The following CCSER1 variants were observed in gnomAD, a reference collection of about 807,000 sequenced individuals.
The protein encoded by CCSER1 is serine-rich coiled-coil domain-containing protein 1.
A neutral mutation model predicts 82.0 loss-of-function variants in CCSER1; 41 were observed. The ratio of observed to expected loss-of-function variants is 0.50; its 90% CI spans 0.39 to 0.65. The LOEUF (loss-of-function observed/expected upper bound fraction) is 0.65, where lower values mean the gene tolerates loss of function less well. Ranked by LOEUF, CCSER1 falls within the 30% of genes least tolerant of loss-of-function variation. The probability of loss-of-function intolerance (pLI) is 0.00; values close to 1 mark genes in which losing one functional copy is unlikely to be tolerated. For synonymous variants in CCSER1, 414 were observed against 383.9 expected (o/e 1.08, Z -0.92); for missense variants, 1,119 against 1,064.2 (o/e 1.05, Z -0.72).
intron 1 of CCSER1, among the ~76,000 whole-genome samples, chr4:90,263,881 C>T (rs1040741605): frequency 3.9e-5 from 6 of 152,290 alleles, no homozygotes; most frequent in African/African-American, 7.2e-5. Context: ...TTATACTCCC[C>T]TCTGGAACAT....
intron 7 of CCSER1, among the ~76,000 whole-genome samples, chr4:90,737,724 C>A (rs1745892236): frequency 6.6e-6 from 1 of 152,028 alleles, no homozygotes; most frequent in Non-Finnish European, 1.5e-5. Flanking sequence ...TCTTTAAGGC[C>A]AATAATGCTT....
intron 8 of CCSER1, among the ~76,000 whole-genome samples, chr4:90,909,179 G>T (rs1725953985): frequency 6.6e-6 from 1 of 152,134 alleles, no homozygotes; most frequent in African/African-American, 2.4e-5. Flanking sequence ...TGTCTGTGTA[G>T]CTGTGTCCAA....
chr4:90,228,312 AC>A (rs1026207297), intron 1 of CCSER1, among the ~76,000 whole-genome samples: 1 of 151,926 alleles, frequency 6.6e-6, no homozygotes, highest in Admixed American at 6.6e-5. Context: ...TGGGTCCCTG[AC>A]CCCTGACCCC....
At chr4:90,511,817 G>A (rs1482899686) in intron 5 of CCSER1, among the ~76,000 whole-genome samples, 1 of 152,108 alleles carries the variant, frequency 6.6e-6, no homozygotes, top group Non-Finnish European at 1.5e-5. Flanking sequence ...TATAAGGGGA[G>A]GTAATCTAGT....
At chr4:91,129,134 C>CT (rs1727776561) in intron 10 of CCSER1, among the ~76,000 whole-genome samples, 1 of 151,970 alleles carries the variant, frequency 6.6e-6, no homozygotes, top group African/African-American at 2.4e-5. Context: ...AGGATCAAAG[C>CT]TTTTTTCCTG....
intron 10 of CCSER1, among the ~76,000 whole-genome samples, chr4:91,306,561 C>T (rs925408453): frequency 6.6e-6 from 1 of 151,998 alleles, no homozygotes; most frequent in Non-Finnish European, 1.5e-5. Flanking sequence ...AGAAGCTCCT[C>T]ATCTTAATAC....
At chr4:90,525,865 A>G (rs112093759) in intron 5 of CCSER1, among the ~76,000 whole-genome samples, 4 of 152,146 alleles carry the variant, frequency 2.6e-5, no homozygotes, top group African/African-American at 9.6e-5. Flanking sequence ...GTCTCGAACT[A>G]CAAGGCACAA....
At chr4:90,402,942 C>T (rs1753107861) in intron 4 of CCSER1, among the ~76,000 whole-genome samples, 1 of 152,146 alleles carries the variant, frequency 6.6e-6, no homozygotes, top group Admixed American at 6.5e-5. Context: ...TCAACTGAGT[C>T]ATATAAATTG....
chr4:90,253,575 A>C (rs1222195758), intron 1 of CCSER1, among the ~76,000 whole-genome samples: 1 of 152,110 alleles, frequency 6.6e-6, no homozygotes, highest in Non-Finnish European at 1.5e-5. Context: ...GGGGTTCCTT[A>C]ATATGTGACA....
At chr4:90,390,344 T>TATC (rs1478122822) in intron 3 of CCSER1, among the ~76,000 whole-genome samples, 1 of 152,178 alleles carries the variant, frequency 6.6e-6, no homozygotes, top group Non-Finnish European at 1.5e-5. Flanking sequence ...GTTACATGGG[T>TATC]ATCATGATGC....
At chr4:90,154,385 C>G (rs2153355157) in intron 1 of CCSER1, among the ~76,000 whole-genome samples, 1 of 152,216 alleles carries the variant, frequency 6.6e-6, no homozygotes, top group Non-Finnish European at 1.5e-5. Flanking sequence ...TCCATATGAA[C>G]TTTTAAGTAG....
intron 1 of CCSER1, among the ~76,000 whole-genome samples, chr4:90,272,205 A>G (rs1231431079): frequency 6.6e-6 from 1 of 152,090 alleles, no homozygotes; most frequent in African/African-American, 2.4e-5. Context: ...AGTAGCACAA[A>G]CAGTTCTGTA....
chr4:91,276,293 C>CT (rs545936410), intron 10 of CCSER1, among the ~76,000 whole-genome samples: 5,823 of 116,238 alleles, frequency 0.05, 176 homozygotes, highest in Admixed American at 0.063. Flanking sequence ...GATGTCTTTC[C>CT]TTTTTTTTTT....
At chr4:90,544,552 C>T (rs1243658763) in intron 5 of CCSER1, among the ~76,000 whole-genome samples, 2 of 152,060 alleles carry the variant, frequency 1.3e-5, no homozygotes, top group Middle Eastern at 3.2e-3. Flanking sequence ...CTCATCAAAG[C>T]TTTGGTGTCC....
chr4:91,155,809 G>A (rs1195970036), intron 10 of CCSER1, among the ~76,000 whole-genome samples: 5 of 151,910 alleles, frequency 3.3e-5, no homozygotes, highest in East Asian at 1.9e-4. Context: ...ATGTAACATC[G>A]ATATATACAG....
chr4:90,266,224 C>G (rs936047715), intron 1 of CCSER1, among the ~76,000 whole-genome samples: 9 of 152,080 alleles, frequency 5.9e-5, no homozygotes, highest in African/African-American at 2.2e-4. Context: ...TTTTTAAATT[C>G]TAAAACCAAC....
chr4:90,481,934 T>G (rs1473163609), intron 5 of CCSER1, among the ~76,000 whole-genome samples: 1 of 152,202 alleles, frequency 6.6e-6, no homozygotes, highest in African/African-American at 2.4e-5. Flanking sequence ...TGGAATAGTT[T>G]CAGAAGGAAT....
chr4:90,783,397 A>G (rs1160989352), intron 7 of CCSER1, among the ~76,000 whole-genome samples: 3 of 152,152 alleles, frequency 2.0e-5, no homozygotes, highest in Non-Finnish European at 2.9e-5. Flanking sequence ...TGAAACCATA[A>G]ACTGGTAGGG....
In CCSER1 at chr4:90,192,903, C is replaced by G. The variant is rs547411900; in HGVS notation, c.-42+65072C>G. 1.1e-4 allele frequency among the ~76,000 whole-genome samples: 16 copies of G among 152,118 alleles called. No homozygotes were observed. The South Asian group carries it at 3.1e-3, about 30-fold the overall frequency. On this transcript the variant is annotated intron_variant, in intron 1 of 10. Transcript: ENST00000509176. The stretch of plus-strand genomic sequence containing the variant: ...TATGTAGACATGCTACATCTCTAAA[C>G]TAAAAACAGGAACAAAAAACAATTT...
Sources: allele counts gnomAD v4.1 joint callset (sites outside exome capture counted in the v4.1 genomes callset), GRCh38; gene constraint gnomAD v4.1.1; transcripts MANE v1.5; gene names NCBI Gene and HGNC (gene_info 2026-07-23, HGNC 2026-07-21).